KIAA1549L: variants seen among roughly 807,000 people sequenced by gnomAD.
KIAA1549L encodes the protein KIAA1549 like.
Under a neutral mutation model 160.7 loss-of-function variants are expected in KIAA1549L, and 88 were observed. The observed-to-expected ratio is 0.55, with a 90% CI of 0.46 to 0.65. The LOEUF (loss-of-function observed/expected upper bound fraction) is 0.65, where lower values mean the gene tolerates loss of function less well. Among genes scored for constraint, KIAA1549L ranks in the 30% least tolerant of loss-of-function variants. The probability of loss-of-function intolerance (pLI) is 0.00; values close to 1 mark genes in which losing one functional copy is unlikely to be tolerated. For synonymous variants in KIAA1549L, 950 were observed against 976.7 expected (o/e 0.97, Z 0.51); for missense variants, 2,258 against 2,437.5 (o/e 0.93, Z 1.55).
intron 1 of KIAA1549L, among the ~76,000 whole-genome samples, chr11:33,530,475 A>G (rs1318909539): frequency 7.9e-5 from 9 of 114,460 alleles, no homozygotes. Context: ...ATATATATAT[A>G]TATATATATG....
chr11:33,622,360 C>T (rs1323113941), intron 16 of KIAA1549L, among the ~76,000 whole-genome samples: 2 of 152,184 alleles, frequency 1.3e-5, no homozygotes, highest in African/African-American at 2.4e-5. Flanking sequence ...AACAAGACCA[C>T]AGGGCTGGCC....
chr11:33,660,816 T>G, intron 19 of KIAA1549L, 47 bp from the exon 20 acceptor site: 1 of 1,595,520 alleles, frequency 6.3e-7, no homozygotes, highest in Non-Finnish European at 8.6e-7. Context: ...GCTGGATCCC[T>G]CAGACCAGCC....
intron 15 of KIAA1549L, 93 bp from the exon 16 acceptor site, chr11:33,618,440 A>G (rs746484116): frequency 5.1e-6 from 6 of 1,185,218 alleles, no homozygotes; most frequent in Non-Finnish European, 7.0e-6. Context: ...GGCAAATCCA[A>G]ACCCTTCATT....
chr11:33,586,871 T>G (rs1214813163), intron 11 of KIAA1549L, among the ~76,000 whole-genome samples: 1 of 152,198 alleles, frequency 6.6e-6, no homozygotes, highest in African/African-American at 2.4e-5. Context: ...ATAGTGAAGA[T>G]GCAATGAGAA....
intron 20 of KIAA1549L, among the ~76,000 whole-genome samples, chr11:33,667,588 G>T (rs916976901): frequency 6.6e-6 from 1 of 151,986 alleles, no homozygotes; most frequent in Non-Finnish European, 1.5e-5. Context: ...TAGAGAAGGG[G>T]TTTCACCATT....
chr11:33,638,393 A>G (rs542588727), intron 16 of KIAA1549L, among the ~76,000 whole-genome samples: 1 of 140,608 alleles, frequency 7.1e-6, no homozygotes, highest in African/African-American at 2.7e-5. Context: ...CTCAAGATTC[A>G]TCTATGTTAT....
chr11:33,532,935 A>G (rs939288679), intron 1 of KIAA1549L, among the ~76,000 whole-genome samples: 1 of 152,356 alleles, frequency 6.6e-6, no homozygotes, highest in African/African-American at 2.4e-5. Flanking sequence ...TGATTGAGAA[A>G]GAACCACCAC....
chr11:33,397,507 G>A (rs552987790), intron 1 of KIAA1549L, among the ~76,000 whole-genome samples: 1 of 149,726 alleles, frequency 6.7e-6, no homozygotes, highest in Non-Finnish European at 1.5e-5. Context: ...TCAGGAGTTC[G>A]ACACCAGCCT....
At position 33,668,346 on chromosome 11, in the gene KIAA1549L, T is replaced by A. The variant is rs1590473688; in HGVS notation, c.*192T>A. On this transcript the variant is annotated 3_prime_UTR_variant, in exon 21 of 21. Transcript: ENST00000658780. ...CGACTAGATTCTTGGCTCATCCAAC[T>A]GATTGTGGGTCAAGTCCCTGGCTTG... is the stretch of plus-strand genomic sequence containing the variant. The A allele has an allele frequency of 4.6e-5, 28 of 614,048 alleles. No homozygotes were observed. The East Asian group carries it at 7.8e-4, about 17-fold the overall frequency. The allele number at this position is 614,048 out of a possible 1,614,324, so 38.0% of individuals were successfully genotyped here.
In KIAA1549L at chr11:33,562,678, C is replaced by CTT. The variant is rs35756207; in HGVS notation, c.4078+959_4078+960dup. 6.6e-3 allele frequency among the ~76,000 whole-genome samples: 886 copies of CTT among 134,010 alleles called. 13 individuals carry two copies. Among genetic ancestry groups the CTT allele is most frequent in the African/African-American group, 0.019 (686 of 35,734 alleles). 87.9% of individuals were successfully genotyped at this position (134,010 alleles called of 152,430 possible). On this transcript the variant is annotated intron_variant, in intron 8 of 20. Transcript: ENST00000658780. The stretch of plus-strand genomic sequence containing the variant: ...TGACCTCATTTTAACTTCATTTCCT[C>CTT]TTTTTTTTTTTTTTTTTGAGATAGA...
intron 1 of KIAA1549L, among the ~76,000 whole-genome samples, chr11:33,468,503 G>A (rs1852108235): frequency 6.6e-6 from 1 of 152,210 alleles, no homozygotes; most frequent in Non-Finnish European, 1.5e-5. Flanking sequence ...TTCTGAGCCA[G>A]GACACACCTG....
chr11:33,653,516 T>C (rs1397645857), intron 17 of KIAA1549L, among the ~76,000 whole-genome samples: 1 of 152,268 alleles, frequency 6.6e-6, no homozygotes, highest in Non-Finnish European at 1.5e-5. Flanking sequence ...ATAGGCCTTT[T>C]GGGCTGCTTT....
At chr11:33,538,858 G>A (rs1015733861) in intron 1 of KIAA1549L, among the ~76,000 whole-genome samples, 8 of 151,976 alleles carry the variant, frequency 5.3e-5, no homozygotes, top group Non-Finnish European at 1.0e-4. Context: ...TTTCCTTGCC[G>A]GCCTATATTT....
rs79487607 is a variant in KIAA1549L at position 33,510,655 on chromosome 11, G to A, written c.239-31147G>A. 8.9e-3 allele frequency among the ~76,000 whole-genome samples: 1,351 copies of A among 152,364 alleles called. 17 individuals carry two copies. The highest frequency in any genetic ancestry group is 0.031 in the African/African-American group (1,286 of 41,590). On this transcript the variant is annotated intron_variant, in intron 1 of 20. Coordinates refer to ENST00000658780, the MANE Select transcript of KIAA1549L (RefSeq NM_012194.3). ...AAGGCATAGTGATGCTGGCGAGGAC[G>A]TGGATATAGCGAGAAGAGAAGTAGG... is the stretch of plus-strand genomic sequence containing the variant.
chr11:33,474,440 A>G (rs1346094987), intron 1 of KIAA1549L, among the ~76,000 whole-genome samples: 1 of 152,208 alleles, frequency 6.6e-6, no homozygotes, highest in Non-Finnish European at 1.5e-5. Flanking sequence ...GCAGGGATGC[A>G]AGGCCAATTC....
At chr11:33,469,206 C>A (rs1355480720) in intron 1 of KIAA1549L, among the ~76,000 whole-genome samples, 2 of 152,128 alleles carry the variant, frequency 1.3e-5, no homozygotes, top group African/African-American at 4.8e-5. Context: ...GCTCCTTCCT[C>A]CCAGTCCTAC....
intron 1 of KIAA1549L, among the ~76,000 whole-genome samples, chr11:33,395,017 T>G (rs1327016447): frequency 2.0e-5 from 3 of 152,224 alleles, no homozygotes; most frequent in African/African-American, 7.2e-5. Flanking sequence ...TCCCAGAAAG[T>G]AGAGGTAACA....
intron 1 of KIAA1549L, among the ~76,000 whole-genome samples, chr11:33,457,305 T>C (rs1378750878): frequency 4.6e-5 from 7 of 152,204 alleles, no homozygotes; most frequent in Admixed American, 1.3e-4. Flanking sequence ...AGCTGGCAGC[T>C]CAGTTTCTTA....
intron 1 of KIAA1549L, among the ~76,000 whole-genome samples, chr11:33,483,073 T>C (rs1192229869): frequency 6.6e-6 from 1 of 151,936 alleles, no homozygotes; most frequent in Non-Finnish European, 1.5e-5. Context: ...TCTCTCCTCC[T>C]TTTCCCTCCT....
Sources: allele counts gnomAD v4.1 joint callset (sites outside exome capture counted in the v4.1 genomes callset), GRCh38; gene constraint gnomAD v4.1.1; transcripts MANE v1.5; gene names NCBI Gene and HGNC (gene_info 2026-07-23, HGNC 2026-07-21).